Variants in TTC27 observed in about 807,000 individuals in gnomAD.
TTC27 encodes the protein tetratricopeptide repeat protein 27.
Under a neutral mutation model 115.9 loss-of-function variants are expected in TTC27, and 79 were observed. The observed-to-expected ratio is 0.68, with a 90% CI of 0.57 to 0.82. The LOEUF (loss-of-function observed/expected upper bound fraction) is 0.82. TTC27 is among the 40% of genes least tolerant of loss of function. The pLI is 0.00. For synonymous variants in TTC27, 401 were observed against 356.0 expected, an observed-to-expected ratio of 1.13 and a Z score of -1.42; for missense variants, 1,054 against 993.1, an observed-to-expected ratio of 1.06 and a Z score of -0.82.
chr2:32,680,410 A>G lies in TTC27; in HGVS notation c.1119+1488A>G, dbSNP rs1383972653. Among the ~76,000 whole-genome samples, 5 of 152,310 alleles carry G rather than the reference A, an allele frequency of 3.3e-5. No homozygotes were observed. In the South Asian group the frequency reaches 6.2e-4, roughly 19 times the overall value. On this transcript the variant is annotated intron_variant, in intron 9 of 19. Coordinates refer to ENST00000317907, the MANE Select transcript of TTC27 (RefSeq NM_017735.5). ...CTTTTTTGTTCTGGAGTTTATGTCA[A>G]ATACAGAGTAGACAAAGAGAGAACC... is the stretch of plus-strand genomic sequence containing the variant.
chr2:32,709,785 C>T (rs1667513053), intron 10 of TTC27, among the ~76,000 whole-genome samples: 1 of 152,104 alleles, frequency 6.6e-6, no homozygotes, highest in African/African-American at 2.4e-5. Context: ...CACAGCTGGG[C>T]CCCACCGTGT....
chr2:32,782,322 A>G (rs1370336098), intron 14 of TTC27, among the ~76,000 whole-genome samples: 1 of 152,212 alleles, frequency 6.6e-6, no homozygotes, highest in African/African-American at 2.4e-5. Context: ...TAATAAATCT[A>G]TGTACTATAT....
At chr2:32,806,557 G>C (rs565692562) in intron 16 of TTC27, among the ~76,000 whole-genome samples, 11 of 152,188 alleles carry the variant, frequency 7.2e-5, no homozygotes, top group African/African-American at 2.6e-4. Context: ...GAGGCGGGCA[G>C]ATCACGAGGT....
chr2:32,668,861 T>C (rs964614434), intron 7 of TTC27, among the ~76,000 whole-genome samples: 2 of 151,764 alleles, frequency 1.3e-5, no homozygotes, highest in Non-Finnish European at 2.9e-5. Context: ...GGACGGATCA[T>C]GAGGTCAGGA....
chr2:32,647,023 C>G (rs1358839858), intron 4 of TTC27, among the ~76,000 whole-genome samples: 6 of 150,462 alleles, frequency 4.0e-5, no homozygotes, highest in African/African-American at 1.5e-4. Context: ...GTTGCCCAAC[C>G]TGGAGTACAG....
chr2:32,747,470 G>C (rs891237070), intron 12 of TTC27, among the ~76,000 whole-genome samples: 1 of 152,130 alleles, frequency 6.6e-6, no homozygotes, highest in African/African-American at 2.4e-5. Flanking sequence ...TTGTAATAAA[G>C]TGTTCTGTAT....
rs1202056424 is a variant in TTC27, at chr2:32,819,156, T to C, written c.2409+1599T>C. Among the ~76,000 whole-genome samples the C allele has an allele frequency of 3.3e-5, 5 of 152,248 alleles. No homozygotes were observed. The East Asian group carries it at 9.6e-4, about 29-fold the overall frequency. On this transcript the variant is annotated intron_variant, in intron 19 of 19. Transcript: ENST00000317907. ...GTATACTGTGGCTTCCTTTTGTCTG[T>C]GCAAAGCTTTTTCTTACAAATTACT...
intron 10 of TTC27, among the ~76,000 whole-genome samples, chr2:32,706,178 G>C (rs1667361953): frequency 6.8e-6 from 1 of 147,950 alleles, no homozygotes; most frequent in African/African-American, 2.5e-5. Flanking sequence ...TGCTCCCTGG[G>C]TTCAAACGAT....
chr2:32,772,954 G>C (rs541667904), intron 13 of TTC27, among the ~76,000 whole-genome samples: 2 of 152,156 alleles, frequency 1.3e-5, no homozygotes, highest in African/African-American at 4.8e-5. Flanking sequence ...AGCCAGGGTC[G>C]TAACAGTTAC....
intron 12 of TTC27, among the ~76,000 whole-genome samples, chr2:32,740,422 A>T (rs574282088): frequency 6.8e-6 from 1 of 146,076 alleles, no homozygotes; most frequent in East Asian, 2.0e-4. Context: ...AGACTTTTTT[A>T]GCAATTGGTT....
chr2:32,815,803 A>C (rs1357459126), intron 18 of TTC27, among the ~76,000 whole-genome samples: 1 of 152,158 alleles, frequency 6.6e-6, no homozygotes, highest in South Asian at 2.1e-4. Context: ...CTCTGGGCTA[A>C]CTCTGCCTTT....
At chr2:32,754,892 C>T (rs1473928572) in intron 12 of TTC27, among the ~76,000 whole-genome samples, 1 of 151,560 alleles carries the variant, frequency 6.6e-6, no homozygotes, top group Non-Finnish European at 1.5e-5. Context: ...CCCCCACCTC[C>T]CTCCCGGACG....
At chr2:32,729,330 ATCT>A (rs2151913408) in intron 10 of TTC27, among the ~76,000 whole-genome samples, 2 of 152,212 alleles carry the variant, frequency 1.3e-5, no homozygotes, top group South Asian at 4.1e-4. Context: ...TGTAGTTTTG[ATCT>A]TCTCTAGTTT....
chr2:32,631,987 G>A (rs902758877), intron 2 of TTC27, among the ~76,000 whole-genome samples: 20 of 150,946 alleles, frequency 1.3e-4, no homozygotes, highest in African/African-American at 4.6e-4. Context: ...TTTTTTGTAT[G>A]TTTAGTAGAG....
rs1417213856 is a variant in TTC27 at position 32,747,844 on chromosome 2, T to C, written c.1453-10448T>C. 3.3e-5 allele frequency among the ~76,000 whole-genome samples: 5 copies of C among 152,308 alleles called. No individual in the cohort carries two copies. In the East Asian group the frequency reaches 9.6e-4, roughly 29 times the overall value. On this transcript the variant is annotated intron_variant, in intron 12 of 19. Transcript: ENST00000317907. Reference sequence around the variant, plus strand: ...TAGTATTTCCCTGTAATCCTTTTTATTTCTGTAAGATTGGTAGTAATGTCT... The same window carrying C: ...TAGTATTTCCCTGTAATCCTTTTTACTTCTGTAAGATTGGTAGTAATGTCT...
At chr2:32,697,775 A>G (rs1417124908) in intron 9 of TTC27, among the ~76,000 whole-genome samples, 5 of 150,958 alleles carry the variant, frequency 3.3e-5, no homozygotes, top group Non-Finnish European at 7.4e-5. Flanking sequence ...TTTTTTGGAG[A>G]CAGTTTCACT....
At chr2:32,789,439 A>G (rs1219151877) in intron 16 of TTC27, among the ~76,000 whole-genome samples, 2 of 152,182 alleles carry the variant, frequency 1.3e-5, no homozygotes, top group African/African-American at 4.8e-5. Context: ...GTAAATGTGT[A>G]GGGAGAGAGG....
intron 12 of TTC27, among the ~76,000 whole-genome samples, chr2:32,741,895 G>C (rs147441532): frequency 3.0e-4 from 46 of 152,222 alleles, no homozygotes; most frequent in Non-Finnish European, 5.7e-4. Context: ...AACAAATTAT[G>C]AGATTCCCCC....
chr2:32,656,723 A>G (rs1665334581), intron 5 of TTC27, among the ~76,000 whole-genome samples: 3 of 152,230 alleles, frequency 2.0e-5, no homozygotes, highest in Middle Eastern at 3.4e-3. Context: ...TACAAACTTG[A>G]TGTGTGAGGT....
Sources: allele counts gnomAD v4.1 joint callset (sites outside exome capture counted in the v4.1 genomes callset), GRCh38; gene constraint gnomAD v4.1.1; transcripts MANE v1.5; gene names NCBI Gene and HGNC (gene_info 2026-07-23, HGNC 2026-07-21).